The following SORL1 variants were observed in gnomAD, a reference collection of about 807,000 sequenced individuals.
SORL1 encodes sortilin-related receptor.
Under a neutral mutation model 273.7 loss-of-function variants are expected in SORL1, and 127 were observed. That is an observed-to-expected ratio of 0.46 (90% CI 0.40 to 0.54). The LOEUF is 0.54. Ranked by LOEUF, SORL1 falls within the 20% of genes least tolerant of loss-of-function variation. The probability of loss-of-function intolerance (pLI) is 0.00; values close to 1 mark genes in which losing one functional copy is unlikely to be tolerated. For missense variants in SORL1, 2,494 were observed against 2,846.1 expected, an observed-to-expected ratio of 0.88 and a Z score of 2.81; for synonymous variants, 1,031 against 1,067.4, an observed-to-expected ratio of 0.97 and a Z score of 0.66.
intron 5 of SORL1, 92 bp downstream of exon 5, chr11:121,490,202 A>G: frequency 2.4e-6 from 2 of 817,970 alleles, no homozygotes; most frequent in Non-Finnish European, 2.1e-6. Context: ...CTCCCCTGAA[A>G]TGTCCAGCAT....
At chr11:121,564,052 C>T (rs1004323021) in intron 21 of SORL1, among the ~76,000 whole-genome samples, 19 of 152,170 alleles carry the variant, frequency 1.2e-4, no homozygotes, top group Admixed American at 6.5e-4. Context: ...GAAGACATCA[C>T]GGGGCTATGT....
At chr11:121,469,148 C>T (rs1861133457) in intron 1 of SORL1, among the ~76,000 whole-genome samples, 1 of 152,156 alleles carries the variant, frequency 6.6e-6, no homozygotes, top group Admixed American at 6.5e-5. Context: ...GCTTTGGAGT[C>T]CTCTGAATGC....
chr11:121,555,060 C>G, intron 17 of SORL1, 127 bp from the exon 18 acceptor site: 1 of 1,022,414 alleles, frequency 9.8e-7, no homozygotes. Context: ...GGAAAGTTTA[C>G]TAACGTAAAA....
rs188382289 is a variant in SORL1 at position 121,471,837 on chromosome 11, G to A, written c.402+1714G>A. Among the ~76,000 whole-genome samples, 802 of 152,350 alleles carry A rather than the reference G, an allele frequency of 5.3e-3. 13 individuals carry two copies. The highest frequency in any genetic ancestry group is 0.018 in the African/African-American group (734 of 41,582). On this transcript the variant is annotated intron_variant, in intron 2 of 47. Coordinates refer to ENST00000260197, the MANE Select transcript of SORL1 (RefSeq NM_003105.6). ...CCCGGGGTGGGTTCTGAGCCATGCT[G>A]TGTGGGAGACCACCGCTACTGATGG... is the stretch of plus-strand genomic sequence containing the variant.
chr11:121,518,138 T>C (rs1464639220), intron 8 of SORL1, among the ~76,000 whole-genome samples: 3 of 152,132 alleles, frequency 2.0e-5, no homozygotes, highest in Non-Finnish European at 4.4e-5. Context: ...GTGGGTCACC[T>C]TAGGGAGGGG....
At chr11:121,589,416 C>T (rs767537755) in intron 29 of SORL1, 26 bp downstream of exon 29, 1 of 1,611,134 alleles carries the variant, frequency 6.2e-7, no homozygotes, top group Non-Finnish European at 8.5e-7. Flanking sequence ...TGCCTCCTCA[C>T]ATCCTAATCC....
At chr11:121,462,874 C>T (rs1487890465) in intron 1 of SORL1, among the ~76,000 whole-genome samples, 1 of 152,162 alleles carries the variant, frequency 6.6e-6, no homozygotes, top group Admixed American at 6.5e-5. Context: ...TGTGAGTCTG[C>T]CATTTTACTA....
At chr11:121,487,559 T>G (rs1861493552) in intron 3 of SORL1, among the ~76,000 whole-genome samples, 1 of 152,198 alleles carries the variant, frequency 6.6e-6, no homozygotes, top group Non-Finnish European at 1.5e-5. Context: ...GTGATTTTAG[T>G]GCTTTTCCTG....
At chr11:121,522,368 T>C (rs1315338971) in intron 9 of SORL1, among the ~76,000 whole-genome samples, 1 of 152,190 alleles carries the variant, frequency 6.6e-6, no homozygotes, top group Non-Finnish European at 1.5e-5. Context: ...CTTTTTAAGT[T>C]GTAATTGTTC....
chr11:121,500,893 G>A (rs976628225), intron 6 of SORL1, among the ~76,000 whole-genome samples: 5 of 152,138 alleles, frequency 3.3e-5, no homozygotes, highest in South Asian at 4.1e-4. Flanking sequence ...TTCTGACTAA[G>A]CAACCACGAA....
chr11:121,606,356 C>T (rs1316169489), intron 35 of SORL1, among the ~76,000 whole-genome samples: 4 of 152,168 alleles, frequency 2.6e-5, no homozygotes, highest in African/African-American at 9.7e-5. Context: ...CTAAAGTATC[C>T]TGAATATGCT....
chr11:121,456,010 G>T (rs1213845764), intron 1 of SORL1, among the ~76,000 whole-genome samples: 1 of 145,112 alleles, frequency 6.9e-6, no homozygotes, highest in Non-Finnish European at 1.5e-5. Flanking sequence ...AAAAAAAAAA[G>T]GCAAAGTTTA....
At chr11:121,591,308 TC>T in intron 31 of SORL1, 152 bp downstream of exon 31, 1 of 721,462 alleles carries the variant, frequency 1.4e-6, no homozygotes, top group Non-Finnish European at 2.3e-6. Context: ...ATGGTGTACC[TC>T]CAGGGAAGGC....
rs574651601 is a variant in SORL1, at chr11:121,597,554, C to T, written c.4519+1782C>T. ...TCAGCTCACTGCAGCTTCCGCCTTTCGAGCTCAAGTGATTCTCTTGCCTCA... is the reference window on the plus strand; with the variant it reads ...TCAGCTCACTGCAGCTTCCGCCTTTTGAGCTCAAGTGATTCTCTTGCCTCA... On this transcript the variant is annotated intron_variant, in intron 32 of 47. Coordinates refer to ENST00000260197, the MANE Select transcript of SORL1 (RefSeq NM_003105.6). Among the ~76,000 whole-genome samples, 233 of 151,720 alleles carry T rather than the reference C, an allele frequency of 1.5e-3. 1 individual carries two copies. The highest frequency in any genetic ancestry group is 5.4e-3 in the African/African-American group (222 of 41,366).
In SORL1 at chr11:121,595,968, A is replaced by G. The variant is rs764948965; in HGVS notation, c.4519+196A>G. Among the ~76,000 whole-genome samples the G allele has an allele frequency of 3.9e-5, 6 of 152,340 alleles. No individual in the cohort carries two copies. The Middle Eastern group carries it at 0.017, about 432-fold the overall frequency. On this transcript the variant is annotated intron_variant, in intron 32 of 47. Transcript: ENST00000260197. This position sits in a 1 kb window ranked among gnomAD's most constrained non-coding sequence, Gnocchi z 5.1. ...CATTGCGTTAGTCACCTTCTTTTTAATAAGTTGACTGCGTTTTAAATACCA... is the reference window on the plus strand; with the variant it reads ...CATTGCGTTAGTCACCTTCTTTTTAGTAAGTTGACTGCGTTTTAAATACCA...
At position 121,566,240 on chromosome 11, in the gene SORL1, TCTC is replaced by T. The variant is rs758770478; in HGVS notation, c.3050-699_3050-697del. On this transcript the variant is annotated intron_variant, in intron 21 of 47. Transcript: ENST00000260197. ...TCTCTTTCCCTCTCATTAGGCCTCT[TCTC>T]TCTGTAAGCCTCTTTCTTTTTAAAA... Among the ~76,000 whole-genome samples the T allele has an allele frequency of 1.9e-3, 291 of 152,176 alleles. 1 individual carries two copies. Among genetic ancestry groups the T allele is most frequent in the Non-Finnish European group, 3.5e-3 (239 of 68,010 alleles).
At chr11:121,571,463 G>C (rs561799449) in intron 23 of SORL1, among the ~76,000 whole-genome samples, 13 of 152,388 alleles carry the variant, frequency 8.5e-5, no homozygotes, top group African/African-American at 3.1e-4. Flanking sequence ...TCTTTGGAAG[G>C]ATAAGTAGTG....
chr11:121,615,170 CTCTTGGATATAGGCCTT>C (rs1565355581), intron 41 of SORL1, 115 bp downstream of exon 41: 1 of 806,098 alleles, frequency 1.2e-6, no homozygotes, highest in Non-Finnish European at 1.9e-6. Flanking sequence ...GCCCCTGCTG[CTCTTGGATATAGGCCTT>C]TCTTTTTCCT....
At chr11:121,496,302 T>C (rs959491650) in intron 5 of SORL1, among the ~76,000 whole-genome samples, 1 of 152,124 alleles carries the variant, frequency 6.6e-6, no homozygotes, top group African/African-American at 2.4e-5. Context: ...GATCAGTATG[T>C]TTGAGAAAGA....
Sources: allele counts gnomAD v4.1 joint callset (sites outside exome capture counted in the v4.1 genomes callset), GRCh38; gene constraint gnomAD v4.1.1; non-coding constraint Gnocchi (gnomAD v3.1); transcripts MANE v1.5; gene names NCBI Gene and HGNC (gene_info 2026-07-23, HGNC 2026-07-21).